METTL18: variants seen among roughly 807,000 people sequenced by gnomAD.
The protein encoded by METTL18 is histidine protein methyltransferase 1 homolog.
Under a neutral mutation model 19.6 loss-of-function variants are expected in METTL18, and 15 were observed. The ratio of observed to expected loss-of-function variants is 0.77; its 90% CI spans 0.51 to 1.18. The LOEUF (loss-of-function observed/expected upper bound fraction) is 1.18. Ranked by LOEUF, METTL18 falls within the 50% of genes most tolerant of loss-of-function variation. METTL18 has a pLI of 0.00. For missense variants in METTL18, 392 were observed against 418.8 expected, an observed-to-expected ratio of 0.94 and a Z score of 0.56; for synonymous variants, 131 against 145.2, an observed-to-expected ratio of 0.90 and a Z score of 0.70.
At position 169,793,830 on chromosome 1, in the gene METTL18, G is replaced by A. The variant is rs1650271413; in HGVS notation, c.-135C>T. On this transcript the variant is annotated 5_prime_UTR_variant, in exon 2 of 2. Coordinates refer to ENST00000310392, the MANE Select transcript of METTL18 (RefSeq NM_033418.4). Reference sequence around the variant, plus strand: ...AATTTCTCTTTAGCAGCTTATACATGGTAACAAATATTTAGAGATATTTCC... The same window carrying A: ...AATTTCTCTTTAGCAGCTTATACATAGTAACAAATATTTAGAGATATTTCC... The A allele has an allele frequency of 4.4e-6, 3 of 678,836 alleles. No individual in the cohort carries two copies. The highest frequency in any genetic ancestry group is 6.9e-6 in the Non-Finnish European group (3 of 434,588). The allele number at this position is 678,836 out of a possible 1,614,324, so 42.1% of individuals were successfully genotyped here. A position where few individuals can be genotyped will look rare whatever the true frequency, so the allele number is the denominator to read the frequency against.
chr1:169,792,535 G>C lies in METTL18; in HGVS notation c.*42C>G, dbSNP rs1275973842. The C allele has an allele frequency of 7.0e-7, 1 of 1,431,036 alleles. No homozygotes were observed. The highest frequency in any genetic ancestry group is 9.2e-7 in the Non-Finnish European group (1 of 1,081,086). 88.6% of individuals were successfully genotyped at this position (1,431,036 alleles called of 1,614,324 possible). On this transcript the variant is annotated 3_prime_UTR_variant, in exon 2 of 2. Transcript: ENST00000310392. The stretch of plus-strand genomic sequence containing the variant: ...CAGAAATCAAACACTCAAATTTTTG[G>C]TCCTTCTGTTTATTTCATTTTGGAT...
Position 169,793,592 on chromosome 1 carries a change from A to T in METTL18, c.104T>A (p.Val35Asp). 1 of 1,614,196 alleles carries T rather than the reference A, an allele frequency of 6.2e-7. No individual in the cohort carries two copies. Among genetic ancestry groups the T allele is most frequent in the South Asian group, 1.1e-5 (1 of 91,086 alleles). ...CTCTTCTCCTTTTTGACTTTCTGAGACTGACAGCTCTTTTGAGGAATCCAG... is the reference window on the plus strand; with the variant it reads ...CTCTTCTCCTTTTTGACTTTCTGAGTCTGACAGCTCTTTTGAGGAATCCAG... ...LTLDSSKELS[V>D]SESQKGEERD... Residue 35 changes from valine (V) to aspartate (D), a missense_variant, in exon 2 of 2, where the codon GTC becomes GAC. Transcript: ENST00000310392.
rs1211317035 is a variant in METTL18 at position 169,793,451 on chromosome 1, G to A, written c.245C>T (p.Ala82Val). Reference sequence around the variant, plus strand: ...TGGCTCCAAGTTCCTTGAACTGCTGGCTGCACTGAGTGGACTGTCTGTGTC... The same window carrying A: ...TGGCTCCAAGTTCCTTGAACTGCTGACTGCACTGAGTGGACTGTCTGTGTC... Reference protein sequence around the residue: ...SQDTDSPLSAASSSRNLEPHG... With the variant: ...SQDTDSPLSAVSSSRNLEPHG... The change falls in exon 2 of 2, where the codon GCC becomes GTC. Residue 82 changes from alanine to valine, a missense_variant. By Grantham distance (64) the Ala-to-Val change is moderately conservative. Transcript: ENST00000310392. The A allele has an allele frequency of 3.1e-6, 5 of 1,614,164 alleles. No individual in the cohort carries two copies. The East Asian group carries it at 1.1e-4, about 36-fold the overall frequency.
At position 169,792,645 on chromosome 1, in the gene METTL18, T is replaced by C; in HGVS notation, c.1051A>G (p.Ile351Val). The change falls in exon 2 of 2, where the codon ATA (isoleucine) becomes GTA (valine). Residue 351 changes from isoleucine (I) to valine (V), a missense_variant. Transcript: ENST00000310392. Reference protein sequence around the residue: ...VEERDVFKTRILKIIDEGLKR... With the variant: ...VEERDVFKTRVLKIIDEGLKR... ...AATCCTTCATCAATTATTTTGAGTA[T>C]TCTGGTCTTAAAAACATCTCTTTCT... 2 of 1,609,442 alleles carry C rather than the reference T, an allele frequency of 1.2e-6. No homozygotes were observed. The highest frequency in any genetic ancestry group is 4.5e-5 in the East Asian group (2 of 44,834).
intron 1 of METTL18, among the ~76,000 whole-genome samples, chr1:169,794,165 C>T (rs899916819): frequency 6.6e-6 from 1 of 151,754 alleles, no homozygotes; most frequent in Non-Finnish European, 1.5e-5. Flanking sequence ...CCTGGACAAA[C>T]ATAAAGTCCA....
Position 169,792,605 on chromosome 1 carries a change from A to T in METTL18, c.1091T>A (p.Ile364Asn). ...ACCAGGAAACTTAAAAGTTATTTCA[A>T]TTATGAACCTCTTCAATCCTTCATC... ...IIDEGLKRFI[I>N]EITFKFPG Residue 364 changes from isoleucine to asparagine, a missense_variant, in exon 2 of 2, where the codon ATT becomes AAT. Transcript: ENST00000310392. 1 of 1,568,306 alleles carries T rather than the reference A, an allele frequency of 6.4e-7. No individual in the cohort carries two copies.
rs777403132 is a variant in METTL18 at position 169,793,025 on chromosome 1, T to C, written c.671A>G (p.Asp224Gly). 1.9e-6 allele frequency: 3 copies of C among 1,614,170 alleles called. No individual in the cohort carries two copies. The highest frequency in any genetic ancestry group is 1.7e-6 in the Non-Finnish European group (2 of 1,180,024). The change falls in exon 2 of 2, where the codon GAT becomes GGT. Residue 224 changes from aspartate to glycine, a missense_variant. By Grantham distance (94) the Asp-to-Gly change is moderately conservative. Coordinates refer to ENST00000310392, the MANE Select transcript of METTL18 (RefSeq NM_033418.4). ...HFQDYNSMVI[D>G]EVTLPNVVAN... ...TACTACATTAGGTAAGGTTACTTCA[T>C]CAATCACCATACTGTTATAATCTTG...
chr1:169,793,532 A>C lies in METTL18; in HGVS notation c.164T>G (p.Leu55Trp). Residue 55 changes from leucine (L) to tryptophan (W), a missense_variant, in exon 2 of 2, where the codon TTG becomes TGG. Leu to Trp is a moderately conservative substitution (Grantham distance 61). Transcript: ENST00000310392. Reference protein sequence around the residue: ...DRKCSAEQFDLPQDHLWEHKS... With the variant: ...DRKCSAEQFDWPQDHLWEHKS... Reference sequence around the variant, plus strand: ...ATGTTCCCACAAGTGATCCTGAGGCAAGTCAAATTGTTCTGCAGAACATTT... The same window carrying C: ...ATGTTCCCACAAGTGATCCTGAGGCCAGTCAAATTGTTCTGCAGAACATTT... The C allele has an allele frequency of 6.2e-7, 1 of 1,614,204 alleles. No individual in the cohort carries two copies. The highest frequency in any genetic ancestry group is 8.5e-7 in the Non-Finnish European group (1 of 1,180,042).
rs149474808 is a variant in METTL18, at chr1:169,792,648, T to G, written c.1048A>C (p.Arg350=). The change falls in exon 2 of 2, where the codon AGA becomes CGA. Residue 350 remains arginine, a synonymous_variant. Coordinates refer to ENST00000310392, the MANE Select transcript of METTL18 (RefSeq NM_033418.4). The stretch of plus-strand genomic sequence containing the variant: ...CCTTCATCAATTATTTTGAGTATTC[T>G]GGTCTTAAAAACATCTCTTTCTTCT... ...FVEERDVFKT[R]ILKIIDEGLK... 73 of 1,609,614 alleles carry G rather than the reference T, an allele frequency of 4.5e-5. No individual in the cohort carries two copies. Among genetic ancestry groups the G allele is most frequent in the Non-Finnish European group, 5.9e-5 (70 of 1,178,906 alleles).
At position 169,792,901 on chromosome 1, in the gene METTL18, A is replaced by C. The variant is rs1367255507; in HGVS notation, c.795T>G (p.Phe265Leu). The C allele has an allele frequency of 1.2e-6, 2 of 1,614,028 alleles. No homozygotes were observed. The highest frequency in any genetic ancestry group is 2.7e-5 in the African/African-American group (2 of 74,926). ...PKVTQLYKCR[F>L]FSGEWSEFCK... The stretch of plus-strand genomic sequence containing the variant: ...AAAACTCAGACCACTCACCAGAAAA[A>C]AATCGGCATTTATATAGTTGTGTTA... The change falls in exon 2 of 2, where the codon TTT becomes TTG. Residue 265 changes from phenylalanine (F) to leucine (L), a missense_variant. Transcript: ENST00000310392.
In METTL18 at chr1:169,792,558, G is replaced by T; in HGVS notation, c.*19C>A. ...TGGTCCTTCTGTTTATTTCATTTTGGATACTCAGTGAATGTTAATTAACCA... is the reference window on the plus strand; with the variant it reads ...TGGTCCTTCTGTTTATTTCATTTTGTATACTCAGTGAATGTTAATTAACCA... On this transcript the variant is annotated 3_prime_UTR_variant, in exon 2 of 2. Coordinates refer to ENST00000310392, the MANE Select transcript of METTL18 (RefSeq NM_033418.4). The T allele has an allele frequency of 2.0e-6, 3 of 1,487,856 alleles. No individual in the cohort carries two copies. The highest frequency in any genetic ancestry group is 1.5e-5 in the South Asian group (1 of 67,918). The allele number at this position is 1,487,856 out of a possible 1,614,324, so 92.2% of individuals were successfully genotyped here. A position where few individuals can be genotyped will look rare whatever the true frequency, so the allele number is the denominator to read the frequency against.
At position 169,793,569 on chromosome 1, in the gene METTL18, C is replaced by A; in HGVS notation, c.127G>T (p.Glu43Ter). The change falls in exon 2 of 2, where the codon GAG (glutamate) becomes TAG (stop). Residue 43 changes from glutamate (E) to a stop codon, truncating the protein, a stop_gained. Transcript: ENST00000310392. LOFTEE classifies it low-confidence loss of function (END_TRUNC). ...LSVSESQKGE[E>*]RDRKCSAEQF... is the part of the protein sequence containing the mutation. ...TCTGCAGAACATTTTCTGTCCCTCT[C>A]TTCTCCTTTTTGACTTTCTGAGACT... 2 of 1,614,174 alleles carry A rather than the reference C, an allele frequency of 1.2e-6. No homozygotes were observed. Among genetic ancestry groups the A allele is most frequent in the Non-Finnish European group, 1.7e-6 (2 of 1,180,042 alleles).
rs1558032010 is a variant in METTL18, at chr1:169,792,640, G to C, written c.1056C>G (p.Leu352=). ...TCTTCAATCCTTCATCAATTATTTT[G>C]AGTATTCTGGTCTTAAAAACATCTC... ...EERDVFKTRI[L]KIIDEGLKRF... Residue 352 remains leucine (L), a synonymous_variant, in exon 2 of 2, where the codon CTC becomes CTG. Transcript: ENST00000310392. The C allele has an allele frequency of 6.2e-7, 1 of 1,604,080 alleles. No individual in the cohort carries two copies.
In METTL18 at chr1:169,793,246, G is replaced by A. The variant is rs772375866; in HGVS notation, c.450C>T (p.Ser150=). 1.9e-6 allele frequency: 3 copies of A among 1,614,098 alleles called. No homozygotes were observed. The highest frequency in any genetic ancestry group is 1.7e-5 in the Admixed American group (1 of 59,998). Residue 150 remains serine, a synonymous_variant, in exon 2 of 2, where the codon AGC becomes AGT. Coordinates refer to ENST00000310392, the MANE Select transcript of METTL18 (RefSeq NM_033418.4). ...TAATCAGATCAGAGTGAGAAGAAAA[G>A]CTTTTTGAAACTATGTTTTCTCCAG... The part of the protein sequence containing the change: ...NFPGENIVSK[S]FSSHSDLITG...
rs770180934 is a variant in METTL18 at position 169,793,503 on chromosome 1, A to C, written c.193T>G (p.Ser65Ala). Reference sequence around the variant, plus strand: ...TGAGAGGGAGCTGCATTTTCCATTGACTTATGTTCCCACAAGTGATCCTGA... The same window carrying C: ...TGAGAGGGAGCTGCATTTTCCATTGCCTTATGTTCCCACAAGTGATCCTGA... ...LPQDHLWEHKSMENAAPSQDT... is the reference protein window; with the variant it reads ...LPQDHLWEHKAMENAAPSQDT... The change falls in exon 2 of 2, where the codon TCA becomes GCA. Residue 65 changes from serine (S) to alanine (A), a missense_variant. Coordinates refer to ENST00000310392, the MANE Select transcript of METTL18 (RefSeq NM_033418.4). 2.2e-5 allele frequency: 36 copies of C among 1,614,100 alleles called. No individual in the cohort carries two copies. The Middle Eastern group carries it at 4.9e-4, about 22-fold the overall frequency.
In METTL18 at chr1:169,793,048, T is replaced by C. The variant is rs1650189496; in HGVS notation, c.648A>G (p.Gln216=). ...FKGGSKEIHF[Q]DYNSMVIDEV... ...CATCAATCACCATACTGTTATAATC[T>C]TGAAAGTGAATTTCTTTGGACCCTC... is the stretch of plus-strand genomic sequence containing the variant. The change falls in exon 2 of 2, where the codon CAA becomes CAG. Residue 216 remains glutamine (Q), a synonymous_variant. Transcript: ENST00000310392. 6.2e-7 allele frequency: 1 copy of C among 1,614,198 alleles called. No individual in the cohort carries two copies. The highest frequency in any genetic ancestry group is 8.5e-7 in the Non-Finnish European group (1 of 1,180,028).
rs1571174742 is a variant in METTL18 at position 169,793,871 on chromosome 1, C to T, written c.-176G>A. On this transcript the variant is annotated 5_prime_UTR_variant, in exon 2 of 2. Transcript: ENST00000310392. ...AGATATTTCCAAATGACTTTTTAGACGTCTTTGGTCCTCTTTCCAAGCAGC... is the reference window on the plus strand; with the variant it reads ...AGATATTTCCAAATGACTTTTTAGATGTCTTTGGTCCTCTTTCCAAGCAGC... 4 of 477,150 alleles carry T rather than the reference C, an allele frequency of 8.4e-6. No homozygotes were observed. The highest frequency in any genetic ancestry group is 3.5e-5 in the East Asian group (1 of 28,600). 29.6% of individuals were successfully genotyped at this position (477,150 alleles called of 1,614,324 possible). A position where few individuals can be genotyped will look rare whatever the true frequency, so the allele number is the denominator to read the frequency against.
At chr1:169,794,138 AACC>A (rs1650303075) in intron 1 of METTL18, among the ~76,000 whole-genome samples, 1 of 152,072 alleles carries the variant, frequency 6.6e-6, no homozygotes, top group African/African-American at 2.4e-5. Flanking sequence ...GAACAACAGC[AACC>A]ACCACCACTA....
chr1:169,794,059 T>C (rs898177103), intron 1 of METTL18, among the ~76,000 whole-genome samples, 162 bp from the exon 2 acceptor site: 1 of 151,750 alleles, frequency 6.6e-6, no homozygotes, highest in African/African-American at 2.4e-5. Context: ...GATAAGAGAT[T>C]TGGACACTCA....
Sources: gnomAD v4.1 joint callset for allele counts (sites outside exome capture counted in the v4.1 genomes callset) on GRCh38, gnomAD v4.1.1 for gene constraint, MANE v1.5 for transcripts, NCBI Gene and HGNC (gene_info 2026-07-23, HGNC 2026-07-21) for gene names.